CDK17: variants seen among roughly 807,000 people sequenced by gnomAD.
CDK17 encodes the protein cyclin dependent kinase 17, also known as cyclin-dependent kinase 17.
A neutral mutation model predicts 77.6 loss-of-function variants in CDK17; 24 were observed. That is an observed-to-expected ratio of 0.31 (90% CI 0.22 to 0.44). CDK17 has a LOEUF of 0.44. Among genes scored for constraint, CDK17 ranks in the 20% least tolerant of loss-of-function variants. CDK17 has a pLI of 1.00. For missense variants in CDK17, 429 were observed against 622.5 expected, an observed-to-expected ratio of 0.69 and a Z score of 3.31; for synonymous variants, 203 against 210.4, an observed-to-expected ratio of 0.96 and a Z score of 0.30.
rs529878690 is a variant in CDK17, at chr12:96,396,442, A to C, written c.-30+3544T>G. On this transcript the variant is annotated intron_variant, in intron 1 of 16. Coordinates refer to ENST00000261211, the MANE Select transcript of CDK17 (RefSeq NM_002595.5). ...TGTAGATTGAATGCTAGTGAACTAC[A>C]CTAGGTTCGCTATTACAGGCAGTTT... 5.3e-5 allele frequency among the ~76,000 whole-genome samples: 8 copies of C among 152,342 alleles called. 1 individual carries two copies. The highest frequency in any genetic ancestry group is 1.9e-4 in the African/African-American group (8 of 41,576).
rs1046979012 is a variant in CDK17 at position 96,393,548 on chromosome 12, T to C, written c.-30+6438A>G. ...AGGAGTTCAAGAACAGCTTGGGCAATATGGCAAAACCCCATCTCTACTAAA... is the reference window on the plus strand; with the variant it reads ...AGGAGTTCAAGAACAGCTTGGGCAACATGGCAAAACCCCATCTCTACTAAA... On this transcript the variant is annotated intron_variant, in intron 1 of 16. Transcript: ENST00000261211. Among the ~76,000 whole-genome samples the C allele has an allele frequency of 3.3e-5, 5 of 151,500 alleles. 1 individual carries two copies. The Middle Eastern group carries it at 0.01, about 309-fold the overall frequency.
At position 96,295,866 on chromosome 12, in the gene CDK17, G is replaced by C. The variant is rs550986200; in HGVS notation, c.874-744C>G. ...ACATTTTGGTAGAAAGAGGGTTACG[G>C]AACACATAAGACCTTTGATTCTCTG... On this transcript the variant is annotated intron_variant, in intron 9 of 16. Coordinates refer to ENST00000261211, the MANE Select transcript of CDK17 (RefSeq NM_002595.5). Among the ~76,000 whole-genome samples the C allele has an allele frequency of 5.9e-5, 9 of 152,226 alleles. No homozygotes were observed. In the East Asian group the frequency reaches 1.7e-3, roughly 29 times the overall value.
chr12:96,344,821 TTTA>T (rs1437189844), intron 1 of CDK17, among the ~76,000 whole-genome samples: 1 of 152,152 alleles, frequency 6.6e-6, no homozygotes, highest in Non-Finnish European at 1.5e-5. Flanking sequence ...TTTTAATTAT[TTTA>T]TTGTTGTTGT....
intron 1 of CDK17, among the ~76,000 whole-genome samples, chr12:96,368,806 CGGGGGG>C (rs113976893): frequency 0.099 from 6,618 of 66,874 alleles, 1,113 homozygotes; most frequent in African/African-American, 0.17. Context: ...TACTCTAAGA[CGGGGGG>C]GGGGGGGGGG....
intron 1 of CDK17, among the ~76,000 whole-genome samples, chr12:96,356,556 C>T (rs990371684): frequency 6.6e-6 from 1 of 152,174 alleles, no homozygotes; most frequent in African/African-American, 2.4e-5. Context: ...CAGGCATGAG[C>T]CACTGTGCTA....
intron 5 of CDK17, among the ~76,000 whole-genome samples, chr12:96,305,856 A>C (rs933482848): frequency 6.6e-6 from 1 of 152,046 alleles, no homozygotes; most frequent in Non-Finnish European, 1.5e-5. Context: ...AGTAGCTGGG[A>C]CTACAAAGGT....
At position 96,297,931 on chromosome 12, in the gene CDK17, T is replaced by TA. The variant is rs79321799; in HGVS notation, c.716-211dup. Among the ~76,000 whole-genome samples the TA allele has an allele frequency of 7.4e-3, 962 of 130,804 alleles. 5 individuals are homozygous for TA. The highest frequency in any genetic ancestry group is 0.018 in the African/African-American group (639 of 35,348). 85.8% of individuals were successfully genotyped at this position (130,804 alleles called of 152,430 possible). A position where few individuals can be genotyped will look rare whatever the true frequency, so the allele number is the denominator to read the frequency against. ...GACCAGCCTGGGCAACAATGCTATT[T>TA]AAAAAAAAAAAAAAAAGATTCTCTT... On this transcript the variant is annotated intron_variant, in intron 7 of 16. Coordinates refer to ENST00000261211, the MANE Select transcript of CDK17 (RefSeq NM_002595.5).
intron 1 of CDK17, among the ~76,000 whole-genome samples, chr12:96,391,014 G>C (rs1188149732): frequency 6.6e-6 from 1 of 151,126 alleles, no homozygotes; most frequent in Non-Finnish European, 1.5e-5. Context: ...CTGAACCCGG[G>C]AGGTGGAGGT....
chr12:96,296,093 C>T (rs1388967661), intron 9 of CDK17, among the ~76,000 whole-genome samples: 3 of 152,148 alleles, frequency 2.0e-5, no homozygotes, highest in African/African-American at 7.2e-5. Context: ...TAAATGAATT[C>T]TTGTTACACT....
intron 1 of CDK17, among the ~76,000 whole-genome samples, chr12:96,346,685 C>T (rs994220653): frequency 6.6e-6 from 1 of 151,378 alleles, no homozygotes; most frequent in Non-Finnish European, 1.5e-5. Flanking sequence ...TGGAGGGCAA[C>T]ACAAGTGGAT....
chr12:96,346,189 AC>A (rs1953208050), intron 1 of CDK17, among the ~76,000 whole-genome samples: 1 of 152,016 alleles, frequency 6.6e-6, no homozygotes, highest in Non-Finnish European at 1.5e-5. Context: ...GCAGTGGCTC[AC>A]GCCTGTAATC....
At chr12:96,366,419 T>C (rs529064346) in intron 1 of CDK17, among the ~76,000 whole-genome samples, 4 of 152,182 alleles carry the variant, frequency 2.6e-5, no homozygotes, top group Non-Finnish European at 4.4e-5. Context: ...CTAGGTATAA[T>C]AAATCACAGC....
intron 1 of CDK17, among the ~76,000 whole-genome samples, chr12:96,356,076 T>C (rs532130251): frequency 1.8e-4 from 28 of 152,246 alleles, no homozygotes; most frequent in African/African-American, 5.1e-4. Flanking sequence ...ATAGGAGGCA[T>C]TAAGGGCAAA....
chr12:96,358,920 C>A (rs1294410096), intron 1 of CDK17, among the ~76,000 whole-genome samples: 3 of 148,896 alleles, frequency 2.0e-5, no homozygotes, highest in Non-Finnish European at 4.4e-5. Flanking sequence ...CCCAGACCTG[C>A]CACTAGGTAA....
intron 5 of CDK17, among the ~76,000 whole-genome samples, chr12:96,306,428 T>TTA (rs1028955309): frequency 2.7e-5 from 4 of 150,538 alleles, no homozygotes; most frequent in African/African-American, 4.9e-5. Flanking sequence ...AAAAAAAAAA[T>TTA]TATATATATA....
chr12:96,310,937 T>C (rs1952638148), intron 5 of CDK17, 115 bp downstream of exon 5: 1 of 1,099,048 alleles, frequency 9.1e-7, no homozygotes, highest in Non-Finnish European at 1.3e-6. Flanking sequence ...GGCAATATAA[T>C]AAAATTTAGC....
chr12:96,292,467 G>T (rs558927869), intron 10 of CDK17, among the ~76,000 whole-genome samples: 10 of 151,990 alleles, frequency 6.6e-5, no homozygotes, highest in African/African-American at 2.2e-4. Flanking sequence ...TTAGCTGGGC[G>T]TGGTGGGCAC....
chr12:96,357,342 G>C (rs1264266693), intron 1 of CDK17, among the ~76,000 whole-genome samples: 2 of 152,082 alleles, frequency 1.3e-5, no homozygotes, highest in African/African-American at 4.8e-5. Context: ...TGTGCCTGTA[G>C]TCCTAGCTAC....
chr12:96,376,768 C>A (rs1178054516), intron 1 of CDK17, among the ~76,000 whole-genome samples: 4 of 152,010 alleles, frequency 2.6e-5, no homozygotes, highest in Non-Finnish European at 5.9e-5. Flanking sequence ...ATCAGAGGAC[C>A]ATAAAACCAG....
Sources: allele counts gnomAD v4.1 joint callset (sites outside exome capture counted in the v4.1 genomes callset), GRCh38; gene constraint gnomAD v4.1.1; transcripts MANE v1.5; gene names NCBI Gene and HGNC (gene_info 2026-07-23, HGNC 2026-07-21).